The following GOLPH3L variants were observed in gnomAD, a reference collection of about 807,000 sequenced individuals.
GOLPH3L encodes the protein Golgi phosphoprotein 3-like.
GOLPH3L carries 22 observed loss-of-function variants against 30.3 expected under a neutral mutation model. The observed-to-expected ratio is 0.73, with a 90% CI of 0.52 to 1.04. The LOEUF (loss-of-function observed/expected upper bound fraction) is 1.04. Ranked by LOEUF, GOLPH3L falls within the 50% of genes least tolerant of loss-of-function variation. The probability of loss-of-function intolerance (pLI) is 0.00; values close to 1 mark genes in which losing one functional copy is unlikely to be tolerated. For synonymous variants in GOLPH3L, 120 were observed against 128.2 expected (o/e 0.94, Z 0.43); for missense variants, 303 against 345.8 (o/e 0.88, Z 0.98).
intron 2 of GOLPH3L, among the ~76,000 whole-genome samples, chr1:150,664,980 C>G (rs1048864768): frequency 1.1e-4 from 17 of 152,098 alleles, no homozygotes; most frequent in African/African-American, 4.1e-4. Context: ...CTCCCCTTCC[C>G]TTTGTATAGG....
intron 2 of GOLPH3L, among the ~76,000 whole-genome samples, chr1:150,673,310 T>TC (rs1650686926): frequency 6.6e-6 from 1 of 152,098 alleles, no homozygotes; most frequent in Non-Finnish European, 1.5e-5. Flanking sequence ...ATGCCTGTAA[T>TC]CCCAGCACTT....
chr1:150,695,400 G>A (rs1337524190), intron 1 of GOLPH3L, among the ~76,000 whole-genome samples: 3 of 152,138 alleles, frequency 2.0e-5, no homozygotes, highest in Non-Finnish European at 4.4e-5. Context: ...GCCTCCCAAA[G>A]TGCTAGGATT....
intron 2 of GOLPH3L, among the ~76,000 whole-genome samples, chr1:150,680,945 G>C (rs587712045): frequency 5.6e-4 from 85 of 152,248 alleles, no homozygotes; most frequent in African/African-American, 2.0e-3. Context: ...TTCAAGACCA[G>C]ACTGGGCAAC....
chr1:150,680,346 C>G (rs1289102637), intron 2 of GOLPH3L, among the ~76,000 whole-genome samples: 3 of 152,170 alleles, frequency 2.0e-5, no homozygotes, highest in Non-Finnish European at 4.4e-5. Context: ...ATTCAGATAT[C>G]AAGTGGGTTT....
At position 150,658,565 on chromosome 1, in the gene GOLPH3L, G is replaced by A. The variant is rs141886929; in HGVS notation, c.430+3249C>T. ...TTGAACCTGGCCAGAGAAAATGAAC[G>A]TACTTGTTTAGGAAGATTGCATTGC... On this transcript the variant is annotated intron_variant, in intron 4 of 4. Transcript: ENST00000271732. Among the ~76,000 whole-genome samples the A allele has an allele frequency of 5.5e-4, 83 of 152,144 alleles. 1 individual carries two copies. In the East Asian group the frequency reaches 0.01, roughly 19 times the overall value.
chr1:150,668,690 ATATTTGTGAC>A (rs1235115808), intron 2 of GOLPH3L, among the ~76,000 whole-genome samples: 6 of 151,768 alleles, frequency 4.0e-5, no homozygotes, highest in African/African-American at 1.4e-4. Flanking sequence ...GCCCCAACTC[ATATTTGTGAC>A]TCCTCTTTAA....
intron 2 of GOLPH3L, among the ~76,000 whole-genome samples, chr1:150,685,874 C>CTT (rs35375244): frequency 0.36 from 43,969 of 120,760 alleles, 8,213 homozygotes; most frequent in South Asian, 0.52. Flanking sequence ...GTAAGTATGT[C>CTT]TTTTTTTTTT....
intron 2 of GOLPH3L, among the ~76,000 whole-genome samples, chr1:150,683,715 AAAAAAAAAAAAAAAAAAAG>A (rs1236148755): frequency 2.1e-5 from 3 of 142,908 alleles, no homozygotes; most frequent in Admixed American, 7.1e-5. Context: ...AAAAAAAAAA[AAAAAAAAAAAAAAAAAAAG>A]AGAGATACTC....
rs756663961 is a variant in GOLPH3L at position 150,648,272 on chromosome 1, C to CT, written c.*48dup. On this transcript the variant is annotated 3_prime_UTR_variant, in exon 5 of 5. Transcript: ENST00000271732. Reference sequence around the variant, plus strand: ...CACACAAAACTCAGTGATGGGGTCTCTGACAGTCACCAGCCAGCAGGGGAA... The same window carrying CT: ...CACACAAAACTCAGTGATGGGGTCTCTTGACAGTCACCAGCCAGCAGGGGAA... 1 of 1,324,338 alleles carries CT rather than the reference C, an allele frequency of 7.6e-7. No homozygotes were observed. Among genetic ancestry groups the CT allele is most frequent in the South Asian group, 1.4e-5 (1 of 73,620 alleles). The allele number at this position is 1,324,338 out of a possible 1,614,324, so 82.0% of individuals were successfully genotyped here. A position where few individuals can be genotyped will look rare whatever the true frequency, so the allele number is the denominator to read the frequency against.
Position 150,697,129 on chromosome 1 carries a change from C to T in GOLPH3L, c.-150G>A, listed in dbSNP as rs1651382331. On this transcript the variant is annotated 5_prime_UTR_variant, in exon 1 of 5. Coordinates refer to ENST00000271732, the MANE Select transcript of GOLPH3L (RefSeq NM_018178.6). ...ACGCAGAGAGCACAAACTTCCTGATCCTTCGATGCAGAGAAGGAATAACAC... is the reference window on the plus strand; with the variant it reads ...ACGCAGAGAGCACAAACTTCCTGATTCTTCGATGCAGAGAAGGAATAACAC... 1.3e-5 allele frequency: 2 copies of T among 151,482 alleles called. No homozygotes were observed. The highest frequency in any genetic ancestry group is 2.4e-5 in the African/African-American group (1 of 41,124). 9.4% of individuals were successfully genotyped at this position (151,482 alleles called of 1,614,324 possible).
At chr1:150,682,043 G>A (rs895842224) in intron 2 of GOLPH3L, among the ~76,000 whole-genome samples, 1 of 148,256 alleles carries the variant, frequency 6.7e-6, no homozygotes, top group African/African-American at 2.5e-5. Context: ...CAGCCTGAGT[G>A]ACAGAGGAGA....
At chr1:150,680,660 G>A (rs1333086399) in intron 2 of GOLPH3L, among the ~76,000 whole-genome samples, 2 of 151,998 alleles carry the variant, frequency 1.3e-5, no homozygotes, top group Admixed American at 6.6e-5. Context: ...AAAGTTTAAG[G>A]CTATCCTACA....
rs587626318 is a variant in GOLPH3L, at chr1:150,673,540, C to T, written c.184-9777G>A. Among the ~76,000 whole-genome samples the T allele has an allele frequency of 4.0e-5, 6 of 150,444 alleles. 1 individual carries two copies. Among genetic ancestry groups the T allele is most frequent in the Middle Eastern group, 3.4e-3 (1 of 292 alleles). On this transcript the variant is annotated intron_variant, in intron 2 of 4. Transcript: ENST00000271732. The stretch of plus-strand genomic sequence containing the variant: ...GAGATCGCACCACTGCACTCCAGCC[C>T]GGGTGACAGTGCAAGACTCCGTCTC...
rs11582333 is a variant in GOLPH3L, at chr1:150,655,044, A to T, written c.431-6296T>A. On this transcript the variant is annotated intron_variant, in intron 4 of 4. Coordinates refer to ENST00000271732, the MANE Select transcript of GOLPH3L (RefSeq NM_018178.6). ...GATTGTACCGTATGTGGAAATGGGG[A>T]AAAGTGAAATTAAATGAACAGGAGG... 8.5e-3 allele frequency among the ~76,000 whole-genome samples: 1,292 copies of T among 152,334 alleles called. 9 individuals are homozygous for T. Among genetic ancestry groups the T allele is most frequent in the Non-Finnish European group, 0.014 (969 of 68,028 alleles).
chr1:150,648,771 C>T, intron 4 of GOLPH3L, 23 bp from the exon 5 acceptor site: 3 of 1,470,688 alleles, frequency 2.0e-6, no homozygotes, highest in Non-Finnish European at 2.8e-6. Flanking sequence ...AGAAATAGGA[C>T]ATAATGAACT....
Position 150,670,545 on chromosome 1 carries a change from C to T in GOLPH3L, c.184-6782G>A, listed in dbSNP as rs369276837. ...CCAGGAGGCGGAGCTTGCAGTGAGCCGAGATTGTGCCACTGCACTCCAGCC... is the reference window on the plus strand; with the variant it reads ...CCAGGAGGCGGAGCTTGCAGTGAGCTGAGATTGTGCCACTGCACTCCAGCC... On this transcript the variant is annotated intron_variant, in intron 2 of 4. Coordinates refer to ENST00000271732, the MANE Select transcript of GOLPH3L (RefSeq NM_018178.6). Among the ~76,000 whole-genome samples, 395 of 147,656 alleles carry T rather than the reference C, an allele frequency of 2.7e-3. 6 individuals carry two copies. The highest frequency in any genetic ancestry group is 3.1e-3 in the Non-Finnish European group (205 of 66,582).
At chr1:150,688,765 C>CA (rs1031389289) in intron 2 of GOLPH3L, among the ~76,000 whole-genome samples, 170 of 151,644 alleles carry the variant, frequency 1.1e-3, no homozygotes, top group African/African-American at 3.6e-3. Flanking sequence ...AAACAAACAA[C>CA]AAAAAAAAGA....
chr1:150,677,410 G>T (rs2101806090), intron 2 of GOLPH3L, among the ~76,000 whole-genome samples: 1 of 151,712 alleles, frequency 6.6e-6, no homozygotes, highest in South Asian at 2.1e-4. Flanking sequence ...CTAAGTTTTT[G>T]TATTTTTAGT....
chr1:150,660,037 A>C (rs1436604458), intron 4 of GOLPH3L, among the ~76,000 whole-genome samples: 2 of 152,160 alleles, frequency 1.3e-5, no homozygotes, highest in Non-Finnish European at 2.9e-5. Context: ...GCATCTCATA[A>C]ATAAATACAA....
Sources: allele counts gnomAD v4.1 joint callset (sites outside exome capture counted in the v4.1 genomes callset), GRCh38; gene constraint gnomAD v4.1.1; transcripts MANE v1.5; gene names NCBI Gene and HGNC (gene_info 2026-07-23, HGNC 2026-07-21).